Variants in DPP10 observed in about 807,000 individuals in gnomAD.
DPP10 encodes inactive dipeptidyl peptidase 10.
A neutral mutation model predicts 120.9 loss-of-function variants in DPP10; 33 were observed. The ratio of observed to expected loss-of-function variants is 0.27; its 90% CI spans 0.21 to 0.37. The LOEUF is 0.37. Ranked by LOEUF, DPP10 falls within the 10% of genes least tolerant of loss-of-function variation. The probability of loss-of-function intolerance (pLI) is 1.00; values close to 1 mark genes in which losing one functional copy is unlikely to be tolerated. For synonymous variants in DPP10, 337 were observed against 326.1 expected (o/e 1.03, Z -0.36); for missense variants, 816 against 942.8 (o/e 0.87, Z 1.76).
intron 1 of DPP10, among the ~76,000 whole-genome samples, chr2:114,866,112 A>AAAATAAATAAAT (rs10650348): frequency 0.057 from 8,119 of 141,530 alleles, 276 homozygotes; most frequent in South Asian, 0.07. Context: ...CTCTGTCTCA[A>AAAATAAATAAAT]AAATAAATAA....
chr2:115,144,575 T>TA (rs1159415176), intron 1 of DPP10, among the ~76,000 whole-genome samples: 3 of 145,380 alleles, frequency 2.1e-5, no homozygotes, highest in African/African-American at 7.7e-5. Context: ...AGGTGCAGGC[T>TA]AAAACCTTTC....
chr2:114,808,883 C>A (rs1684958749), intron 1 of DPP10, among the ~76,000 whole-genome samples: 1 of 152,130 alleles, frequency 6.6e-6, no homozygotes, highest in Non-Finnish European at 1.5e-5. Context: ...CCCTTTAATG[C>A]TATTCTGTTT....
intron 3 of DPP10, among the ~76,000 whole-genome samples, chr2:115,469,953 T>G (rs1052530087): frequency 6.6e-6 from 1 of 151,888 alleles, no homozygotes; most frequent in Non-Finnish European, 1.5e-5. Flanking sequence ...AATCTGTGTA[T>G]TGTATTGCAT....
At position 115,840,678 on chromosome 2, in the gene DPP10, T is replaced by C; in HGVS notation, c.2183-72T>C. ...TGTAAAATAAAACACTGAATCTCTT[T>C]GAAAAATAATATGAAAAAGTTCTCA... On this transcript the variant is annotated intron_variant, in intron 24 of 25. Coordinates refer to ENST00000410059, the MANE Select transcript of DPP10 (RefSeq NM_020868.6). 1.1e-5 allele frequency: 16 copies of C among 1,465,808 alleles called. 1 individual carries two copies. The highest frequency in any genetic ancestry group is 1.5e-5 in the Non-Finnish European group (16 of 1,055,746). The allele number at this position is 1,465,808 out of a possible 1,614,324, so 90.8% of individuals were successfully genotyped here.
chr2:115,734,756 C>T (rs539872922), intron 8 of DPP10, among the ~76,000 whole-genome samples: 238 of 143,822 alleles, frequency 1.7e-3, no homozygotes, highest in African/African-American at 5.8e-3. Flanking sequence ...ATATTTTTTT[C>T]TGAATGTGTC....
intron 5 of DPP10, among the ~76,000 whole-genome samples, chr2:115,574,509 T>A (rs1290590223): frequency 6.6e-6 from 1 of 152,192 alleles, no homozygotes; most frequent in Admixed American, 6.5e-5. Context: ...TCCCTCTTGT[T>A]CTTCAACACT....
chr2:115,821,216 A>G (rs1283706262), intron 21 of DPP10, among the ~76,000 whole-genome samples: 1 of 152,138 alleles, frequency 6.6e-6, no homozygotes, highest in East Asian at 1.9e-4. Flanking sequence ...ATCCCTTTAT[A>G]ATGTGAACTC....
At chr2:115,587,089 CTTTTTTTTTT>C (rs756810925) in intron 5 of DPP10, among the ~76,000 whole-genome samples, 1 of 103,914 alleles carries the variant, frequency 9.6e-6, no homozygotes, top group South Asian at 3.3e-4. Context: ...TTTTCTCTTT[CTTTTTTTTTT>C]TTTTTTTTTT....
At chr2:114,822,067 G>T (rs762811988) in intron 1 of DPP10, among the ~76,000 whole-genome samples, 3 of 152,182 alleles carry the variant, frequency 2.0e-5, no homozygotes, top group Non-Finnish European at 4.4e-5. Flanking sequence ...TGGGGACTCT[G>T]TGTGAGGGCT....
At chr2:115,675,740 T>A (rs1307257790) in intron 5 of DPP10, among the ~76,000 whole-genome samples, 1 of 152,164 alleles carries the variant, frequency 6.6e-6, no homozygotes, top group Non-Finnish European at 1.5e-5. Context: ...TAGGATTTTA[T>A]TATCCCAGAG....
At chr2:114,593,664 AG>A (rs1219338165) in intron 1 of DPP10, among the ~76,000 whole-genome samples, 2 of 152,204 alleles carry the variant, frequency 1.3e-5, no homozygotes, top group Non-Finnish European at 2.9e-5. Context: ...ATGTTGTGAT[AG>A]ATGTAGGGTT....
intron 1 of DPP10, among the ~76,000 whole-genome samples, chr2:114,853,317 A>AT (rs981644406): frequency 1.3e-5 from 2 of 151,974 alleles, no homozygotes; most frequent in African/African-American, 2.4e-5. Context: ...ACTACTACTA[A>AT]TTTTTTTTAT....
At chr2:115,333,097 C>G (rs939976598) in intron 2 of DPP10, among the ~76,000 whole-genome samples, 9 of 151,576 alleles carry the variant, frequency 5.9e-5, no homozygotes, top group Middle Eastern at 3.4e-3. Context: ...CTTTATGAAT[C>G]TGGGTGCTCG....
At chr2:114,451,764 T>C (rs2104538308) in intron 1 of DPP10, among the ~76,000 whole-genome samples, 1 of 152,256 alleles carries the variant, frequency 6.6e-6, no homozygotes, top group Non-Finnish European at 1.5e-5. Flanking sequence ...GGACAAGATC[T>C]TGGGATCTAA....
chr2:114,620,109 G>A (rs1229537137), intron 1 of DPP10, among the ~76,000 whole-genome samples: 1 of 151,580 alleles, frequency 6.6e-6, no homozygotes, highest in East Asian at 1.9e-4. Context: ...TTTTTTATTA[G>A]ACTATAAAAT....
intron 1 of DPP10, among the ~76,000 whole-genome samples, chr2:114,649,473 C>T (rs1433293522): frequency 1.3e-5 from 2 of 151,944 alleles, no homozygotes; most frequent in South Asian, 4.1e-4. Flanking sequence ...CTGATTCTCC[C>T]GAGTAGCTGG....
chr2:114,930,436 T>C (rs1695981612), intron 1 of DPP10, among the ~76,000 whole-genome samples: 1 of 152,176 alleles, frequency 6.6e-6, no homozygotes, highest in South Asian at 2.1e-4. Context: ...AGAACAGCAT[T>C]CTTAAATTTG....
rs1013927955 is a variant in DPP10, at chr2:114,448,419, C to T, written c.60+5581C>T. 2.2e-4 allele frequency among the ~76,000 whole-genome samples: 34 copies of T among 152,144 alleles called. 1 individual carries two copies. The highest frequency in any genetic ancestry group is 8.0e-4 in the African/African-American group (33 of 41,432). ...TGTGATGACAAATTACTAACTCTCA[C>T]TGAAAAGACATTATGGGTCTACAAA... On this transcript the variant is annotated intron_variant, in intron 1 of 25. Transcript: ENST00000410059.
intron 16 of DPP10, 89 bp from the exon 17 acceptor site, chr2:115,782,263 T>G: frequency 1.7e-6 from 2 of 1,146,296 alleles, no homozygotes; most frequent in Non-Finnish European, 2.5e-6. Context: ...GTGCTTCCAT[T>G]TGGGGGGAAA....
Sources: allele counts gnomAD v4.1 joint callset (sites outside exome capture counted in the v4.1 genomes callset), GRCh38; gene constraint gnomAD v4.1.1; transcripts MANE v1.5; gene names NCBI Gene and HGNC (gene_info 2026-07-23, HGNC 2026-07-21).